The following DSCAM variants were observed in gnomAD, a reference collection of about 807,000 sequenced individuals.
The protein encoded by DSCAM is cell adhesion molecule DSCAM.
Under a neutral mutation model 217.7 loss-of-function variants are expected in DSCAM, and 47 were observed. The observed-to-expected ratio is 0.22, with a 90% CI of 0.17 to 0.28. The LOEUF (loss-of-function observed/expected upper bound fraction) is 0.28, where lower values mean the gene tolerates loss of function less well. DSCAM is among the 10% of genes least tolerant of loss of function. The probability of loss-of-function intolerance (pLI) is 1.00; values close to 1 mark genes in which losing one functional copy is unlikely to be tolerated. For synonymous variants in DSCAM, 1,056 were observed against 1,015.3 expected (o/e 1.04, Z -0.76); for missense variants, 2,080 against 2,618.3 (o/e 0.79, Z 4.49).
chr21:40,349,239 TG>T (rs1569078057), intron 5 of DSCAM, among the ~76,000 whole-genome samples: 1 of 149,752 alleles, frequency 6.7e-6, no homozygotes, highest in Non-Finnish European at 1.5e-5. Flanking sequence ...GTGGCACTGG[TG>T]GGTTTGCCCT....
intron 3 of DSCAM, among the ~76,000 whole-genome samples, chr21:40,513,586 G>C (rs931800809): frequency 6.6e-6 from 1 of 152,080 alleles, no homozygotes; most frequent in African/African-American, 2.4e-5. Context: ...GAAGTGTCAG[G>C]CTCTCTTAAA....
intron 31 of DSCAM, 151 bp from the exon 32 acceptor site, chr21:40,042,824 G>A: frequency 1.4e-6 from 1 of 699,440 alleles, no homozygotes; most frequent in Non-Finnish European, 2.3e-6. Context: ...TCCTGCCTTA[G>A]GCACTCTGAG....
At chr21:40,181,489 C>T (rs755419911) in intron 14 of DSCAM, among the ~76,000 whole-genome samples, 7 of 152,090 alleles carry the variant, frequency 4.6e-5, no homozygotes, top group Non-Finnish European at 5.9e-5. Flanking sequence ...AACATCCTGT[C>T]AAGGTAAGGT....
chr21:40,725,857 T>C (rs975011092), intron 1 of DSCAM, among the ~76,000 whole-genome samples: 1 of 152,146 alleles, frequency 6.6e-6, no homozygotes, highest in African/African-American at 2.4e-5. Flanking sequence ...ACTCAAAGTA[T>C]CAAACAAGTA....
intron 3 of DSCAM, among the ~76,000 whole-genome samples, chr21:40,686,594 T>A (rs4818162): frequency 6.6e-6 from 1 of 152,142 alleles, no homozygotes; most frequent in African/African-American, 2.4e-5. Flanking sequence ...TTTTGGTAGT[T>A]CAAAAGTCAA....
chr21:40,115,939 G>A (rs925250062), intron 20 of DSCAM, among the ~76,000 whole-genome samples: 11 of 152,192 alleles, frequency 7.2e-5, no homozygotes, highest in African/African-American at 2.7e-4. Context: ...TAAAGAAAAT[G>A]TGATAAATAT....
chr21:40,097,436 CA>C (rs938552966), intron 20 of DSCAM, among the ~76,000 whole-genome samples: 7 of 151,286 alleles, frequency 4.6e-5, no homozygotes, highest in South Asian at 4.2e-4. Context: ...AATGGAATTA[CA>C]AAAAAAACCC....
At chr21:40,705,772 C>T (rs1381016360) in intron 2 of DSCAM, among the ~76,000 whole-genome samples, 1 of 152,184 alleles carries the variant, frequency 6.6e-6, no homozygotes, top group Non-Finnish European at 1.5e-5. Context: ...TGGGTGCGGA[C>T]ATAGAGTTAA....
chr21:40,422,045 T>G (rs2123821253), intron 3 of DSCAM, among the ~76,000 whole-genome samples: 1 of 152,332 alleles, frequency 6.6e-6, no homozygotes, highest in South Asian at 2.1e-4. Flanking sequence ...TTCTATAAAC[T>G]TAGACAAGGG....
At chr21:40,056,506 A>G (rs1000375106) in intron 28 of DSCAM, among the ~76,000 whole-genome samples, 1 of 152,160 alleles carries the variant, frequency 6.6e-6, no homozygotes, top group South Asian at 2.1e-4. Context: ...AAGTAGTAAA[A>G]CTGCATGGTA....
At chr21:40,600,411 G>T (rs1179464154) in intron 3 of DSCAM, among the ~76,000 whole-genome samples, 1 of 151,964 alleles carries the variant, frequency 6.6e-6, no homozygotes, top group Admixed American at 6.6e-5. Context: ...TTATTATATG[G>T]GCACTAATCT....
chr21:40,837,610 C>A (rs578053197), intron 1 of DSCAM, among the ~76,000 whole-genome samples: 2 of 152,230 alleles, frequency 1.3e-5, no homozygotes, highest in Admixed American at 1.3e-4. Flanking sequence ...AGGTTGCTAA[C>A]TTGGGCTGCC....
At chr21:40,759,714 A>T (rs2146580804) in intron 1 of DSCAM, among the ~76,000 whole-genome samples, 1 of 152,200 alleles carries the variant, frequency 6.6e-6, no homozygotes, top group East Asian at 1.9e-4. Context: ...AGGACTTCAA[A>T]GCCAGCTCCC....
chr21:40,555,714 C>A (rs916137325), intron 3 of DSCAM, among the ~76,000 whole-genome samples: 8 of 152,192 alleles, frequency 5.3e-5, no homozygotes, highest in African/African-American at 1.9e-4. Flanking sequence ...CTCACTATAA[C>A]CTCAAATTTC....
intron 1 of DSCAM, among the ~76,000 whole-genome samples, chr21:40,840,380 C>T (rs775172039): frequency 2.0e-5 from 3 of 151,956 alleles, no homozygotes; most frequent in African/African-American, 4.8e-5. Context: ...CTGGGGGTGG[C>T]GGAGTGGGCG....
intron 3 of DSCAM, among the ~76,000 whole-genome samples, chr21:40,488,533 G>A (rs572887588): frequency 1.6e-4 from 24 of 152,182 alleles, no homozygotes; most frequent in Middle Eastern, 3.4e-3. Flanking sequence ...TTCTGTCTCC[G>A]TGGGCACAGA....
At chr21:40,827,396 G>A (rs1374335906) in intron 1 of DSCAM, among the ~76,000 whole-genome samples, 4 of 147,640 alleles carry the variant, frequency 2.7e-5, no homozygotes, top group African/African-American at 9.9e-5. Context: ...TCGAGCCCAG[G>A]AGTTTGAGGC....
intron 3 of DSCAM, among the ~76,000 whole-genome samples, chr21:40,578,301 TCTGGG>T (rs1391910839): frequency 6.6e-6 from 1 of 152,154 alleles, no homozygotes; most frequent in Non-Finnish European, 1.5e-5. Flanking sequence ...CAGTTGGGCT[TCTGGG>T]TAGGGTGGGG....
At chr21:40,017,909 G>A (rs1398466062) in intron 32 of DSCAM, among the ~76,000 whole-genome samples, 1 of 152,160 alleles carries the variant, frequency 6.6e-6, no homozygotes, top group Non-Finnish European at 1.5e-5. Context: ...AAAGGGTTTT[G>A]GTAACTTGAT....
Sources: gnomAD v4.1 joint callset for allele counts (sites outside exome capture counted in the v4.1 genomes callset) on GRCh38, gnomAD v4.1.1 for gene constraint, MANE v1.5 for transcripts, NCBI Gene and HGNC (gene_info 2026-07-23, HGNC 2026-07-21) for gene names.